The following NPAS3 variants were observed in gnomAD, a reference collection of about 807,000 sequenced individuals.
NPAS3 encodes the protein neuronal PAS domain protein 3, also known as neuronal PAS domain-containing protein 3.
NPAS3 carries 14 observed loss-of-function variants against 73.1 expected under a neutral mutation model. That is an observed-to-expected ratio of 0.19 (90% CI 0.13 to 0.30). The LOEUF is 0.30. NPAS3 is among the 10% of genes least tolerant of loss of function. The probability of loss-of-function intolerance (pLI) is 1.00; values close to 1 mark genes in which losing one functional copy is unlikely to be tolerated. For missense variants in NPAS3, 1,096 were observed against 1,250.0 expected (o/e 0.88, Z 1.86); for synonymous variants, 620 against 541.5 (o/e 1.14, Z -2.01).
chr14:33,404,475 TTC>T lies in NPAS3; in HGVS notation c.468+37209_468+37210del, dbSNP rs1475979897. ...TCTGTAATGGGTACTTCATTTTTAA[TTC>T]TTTTTTTCCCTTTTTCCTTCTCTTT... On this transcript the variant is annotated intron_variant, in intron 4 of 11. Coordinates refer to ENST00000356141, the Ensembl canonical transcript of NPAS3. Among the ~76,000 whole-genome samples, 6 of 152,096 alleles carry T rather than the reference TTC, an allele frequency of 3.9e-5. No individual in the cohort carries two copies. In the East Asian group the frequency reaches 1.2e-3, roughly 29 times the overall value.
At chr14:33,241,902 AG>A (rs2048224819) in intron 3 of NPAS3, among the ~76,000 whole-genome samples, 3 of 152,192 alleles carry the variant, frequency 2.0e-5, no homozygotes, top group African/African-American at 7.2e-5. Context: ...CATGGTGAAT[AG>A]TTTCCTTAAA....
At chr14:33,661,071 G>A (rs1207406365) in intron 5 of NPAS3, among the ~76,000 whole-genome samples, 1 of 141,770 alleles carries the variant, frequency 7.1e-6, no homozygotes, top group Non-Finnish European at 1.5e-5. Flanking sequence ...TTAAAAAGAA[G>A]CTTCAGTCAG....
intron 2 of NPAS3, among the ~76,000 whole-genome samples, chr14:33,106,421 T>C (rs776539046): frequency 2.0e-5 from 3 of 152,180 alleles, no homozygotes; most frequent in Non-Finnish European, 4.4e-5. Context: ...CCCAGGTTTG[T>C]GAGTCAAGCT....
chr14:33,522,901 A>G (rs1259742776), intron 4 of NPAS3, among the ~76,000 whole-genome samples: 1 of 152,120 alleles, frequency 6.6e-6, no homozygotes, highest in Non-Finnish European at 1.5e-5. Context: ...CCTTATCTGA[A>G]TGTTTTACAT....
chr14:33,145,688 A>G (rs1035903258), intron 2 of NPAS3, among the ~76,000 whole-genome samples: 4 of 152,122 alleles, frequency 2.6e-5, no homozygotes, highest in Admixed American at 1.3e-4. Context: ...AAGTTTTGCT[A>G]TGTACTGTGT....
intron 1 of NPAS3, among the ~76,000 whole-genome samples, chr14:32,960,425 A>G (rs924472531): frequency 1.3e-5 from 2 of 152,194 alleles, no homozygotes; most frequent in African/African-American, 4.8e-5. Flanking sequence ...AATGGAAGCT[A>G]AAAAGACATA....
Position 33,800,631 on chromosome 14 carries a change from G to A in NPAS3, c.2324G>A (p.Gly775Asp), listed in dbSNP as rs962730015. ...GGGGGCGGGGGCGGCGGCGCGGGGG[G>A]CGGCGGCCCCAGCGCGTCCAACTCC... The change falls in exon 12 of 12, where the codon GGC becomes GAC. Residue 775 changes from glycine (G) to aspartate (D), a missense_variant. Around this residue, in one of 5 missense-constraint regions of NPAS3, gnomAD observed 698 missense variants for 676.7 expected, o/e 1.03. Transcript: ENST00000356141. This position sits in a 1 kb window ranked among gnomAD's most constrained non-coding sequence, Gnocchi z 6.5. 9 of 1,391,524 alleles carry A rather than the reference G, an allele frequency of 6.5e-6. No homozygotes were observed. Among genetic ancestry groups the A allele is most frequent in the African/African-American group, 1.5e-5 (1 of 65,218 alleles). 86.2% of individuals were successfully genotyped at this position (1,391,524 alleles called of 1,614,324 possible).
chr14:33,183,232 C>G (rs1415753286), intron 2 of NPAS3, among the ~76,000 whole-genome samples: 2 of 151,966 alleles, frequency 1.3e-5, no homozygotes, highest in Non-Finnish European at 2.9e-5. Context: ...TCAAGAACAG[C>G]CTGGCCAACA....
chr14:32,969,690 G>T (rs2037339706), intron 1 of NPAS3, among the ~76,000 whole-genome samples: 1 of 152,056 alleles, frequency 6.6e-6, no homozygotes, highest in Admixed American at 6.5e-5. Context: ...CTGAATCTCA[G>T]CTTTCTTATC....
rs150439068 is a variant in NPAS3 at position 33,715,659 on chromosome 14, C to G, written c.734-19555C>G. The stretch of plus-strand genomic sequence containing the variant: ...TACGATTCCAGCCTCCATCACAAGT[C>G]TGGGCCTCAGTAAATGTACTAATTT... On this transcript the variant is annotated intron_variant, in intron 6 of 11. Coordinates refer to ENST00000356141, the Ensembl canonical transcript of NPAS3. 1.9e-3 allele frequency among the ~76,000 whole-genome samples: 289 copies of G among 152,296 alleles called. 1 individual carries two copies. Among genetic ancestry groups the G allele is most frequent in the African/African-American group, 6.4e-3 (266 of 41,578 alleles).
intron 5 of NPAS3, among the ~76,000 whole-genome samples, chr14:33,670,960 A>G: frequency 6.8e-6 from 1 of 146,532 alleles, no homozygotes. Context: ...GCTTTATGAC[A>G]TTCTACCTTA....
At chr14:33,177,160 A>G (rs1199387277) in intron 2 of NPAS3, among the ~76,000 whole-genome samples, 1 of 150,068 alleles carries the variant, frequency 6.7e-6, no homozygotes, top group Non-Finnish European at 1.5e-5. Context: ...GCAGTGGCGC[A>G]GTCTCGACTC....
chr14:33,237,020 A>G (rs1440527389), intron 3 of NPAS3, among the ~76,000 whole-genome samples: 1 of 152,054 alleles, frequency 6.6e-6, no homozygotes. Context: ...ATTTTTGTTT[A>G]TGTTTTCAGT....
intron 10 of NPAS3, among the ~76,000 whole-genome samples, chr14:33,794,574 C>T (rs368502442): frequency 4.0e-5 from 6 of 150,924 alleles, no homozygotes; most frequent in African/African-American, 1.5e-4. Context: ...GTTGCTTTGC[C>T]GGAATCAAAC....
chr14:33,774,248 C>G (rs1438976022), intron 7 of NPAS3, 89 bp from the exon 8 acceptor site: 2 of 977,234 alleles, frequency 2.0e-6, no homozygotes, highest in African/African-American at 1.6e-5. Context: ...TTGGTTGTTC[C>G]AGATGTAATT....
chr14:32,982,731 A>C (rs928010852), intron 1 of NPAS3, among the ~76,000 whole-genome samples: 15 of 152,192 alleles, frequency 9.9e-5, no homozygotes, highest in Non-Finnish European at 1.8e-4. Flanking sequence ...CATTATATGA[A>C]CCAGTCAATA....
At chr14:33,030,585 G>A (rs2039954514) in intron 1 of NPAS3, among the ~76,000 whole-genome samples, 1 of 152,086 alleles carries the variant, frequency 6.6e-6, no homozygotes, top group African/African-American at 2.4e-5. Flanking sequence ...ATGGATATGA[G>A]CTATTCACCC....
rs2048620231 is a variant in NPAS3 at position 33,252,415 on chromosome 14, G to A, written c.385+36989G>A. Among the ~76,000 whole-genome samples the A allele has an allele frequency of 2.0e-5, 3 of 151,870 alleles. No individual in the cohort carries two copies. The South Asian group carries it at 6.2e-4, about 32-fold the overall frequency. Reference sequence around the variant, plus strand: ...TCTATTCATATGTGTGTCTAAGAAGGCAACTAAGGTATTGAGTGACTACCC... The same window carrying A: ...TCTATTCATATGTGTGTCTAAGAAGACAACTAAGGTATTGAGTGACTACCC... On this transcript the variant is annotated intron_variant, in intron 3 of 11. Transcript: ENST00000356141.
chr14:33,355,637 A>T (rs145213935), intron 3 of NPAS3, among the ~76,000 whole-genome samples: 1 of 152,172 alleles, frequency 6.6e-6, no homozygotes, highest in East Asian at 1.9e-4. Context: ...CTCTCTCCCC[A>T]GTCTCTAAAT....
Sources: allele counts gnomAD v4.1 joint callset (sites outside exome capture counted in the v4.1 genomes callset), GRCh38; gene constraint gnomAD v4.1.1; regional missense constraint gnomAD v4.1.1; non-coding constraint Gnocchi (gnomAD v3.1); transcripts MANE v1.5; gene names NCBI Gene and HGNC (gene_info 2026-07-23, HGNC 2026-07-21).